SND1: variants seen among roughly 807,000 people sequenced by gnomAD.
SND1 encodes staphylococcal nuclease and tudor domain containing 1.
SND1 carries 38 observed loss-of-function variants against 121.7 expected under a neutral mutation model. That is an observed-to-expected ratio of 0.31 (90% confidence interval 0.24 to 0.41). The LOEUF (loss-of-function observed/expected upper bound fraction) is 0.41. SND1 is among the 10% of genes least tolerant of loss of function. SND1 has a pLI of 1.00. For synonymous variants in SND1, 401 were observed against 447.4 expected, an observed-to-expected ratio of 0.90 and a Z score of 1.31; for missense variants, 868 against 1,184.6, an observed-to-expected ratio of 0.73 and a Z score of 3.92.
chr7:127,731,995 CTT>C (rs1349630723), intron 10 of SND1, among the ~76,000 whole-genome samples: 1 of 152,198 alleles, frequency 6.6e-6, no homozygotes, highest in Non-Finnish European at 1.5e-5. Flanking sequence ...ATGTCTCTCT[CTT>C]GTCTCTTTAT....
intron 12 of SND1, among the ~76,000 whole-genome samples, chr7:127,871,790 A>G (rs1362344908): frequency 6.6e-6 from 1 of 152,198 alleles, no homozygotes; most frequent in Non-Finnish European, 1.5e-5. Context: ...GTGAATCTAC[A>G]TTGAACATGC....
chr7:127,766,384 A>G (rs1405938830), intron 10 of SND1, among the ~76,000 whole-genome samples: 9 of 152,218 alleles, frequency 5.9e-5, no homozygotes. Flanking sequence ...TGCTGTGATG[A>G]TATCAACTCT....
chr7:127,723,102 A>G (rs1377335449), intron 10 of SND1, among the ~76,000 whole-genome samples: 1 of 152,222 alleles, frequency 6.6e-6, no homozygotes, highest in East Asian at 1.9e-4. Context: ...CATTATGTTA[A>G]TGTAGACTAT....
intron 10 of SND1, among the ~76,000 whole-genome samples, chr7:127,740,752 T>C (rs1796867068): frequency 1.3e-5 from 2 of 152,152 alleles, no homozygotes; most frequent in Non-Finnish European, 2.9e-5. Flanking sequence ...GATGTGCAGC[T>C]AGGATTGAGA....
intron 16 of SND1, among the ~76,000 whole-genome samples, chr7:128,069,354 G>A (rs1793369550): frequency 6.6e-6 from 1 of 152,170 alleles, no homozygotes; most frequent in Non-Finnish European, 1.5e-5. Context: ...AAGGGAAGAG[G>A]AAGCAGTTTT....
chr7:127,807,214 A>G (rs116414469), intron 10 of SND1, among the ~76,000 whole-genome samples: 2 of 152,202 alleles, frequency 1.3e-5, no homozygotes, highest in African/African-American at 2.4e-5. Flanking sequence ...TTATGCCTCT[A>G]TGTCTGTGTT....
intron 10 of SND1, among the ~76,000 whole-genome samples, chr7:127,795,995 C>T (rs1308768279): frequency 6.6e-6 from 1 of 152,006 alleles, no homozygotes. Context: ...GTAGCTGGGA[C>T]TACGGGCGCC....
chr7:128,041,880 G>A lies in SND1; in HGVS notation c.1780-32622G>A, dbSNP rs1792860683. 1.3e-5 allele frequency among the ~76,000 whole-genome samples: 2 copies of A among 152,214 alleles called. 1 individual carries two copies. The highest frequency in any genetic ancestry group is 4.1e-4 in the South Asian group (2 of 4,834). The stretch of plus-strand genomic sequence containing the variant: ...GTTTACCTCACTACCAGCCAAGAAT[G>A]CTAAGCAGGGTGTTCTGGGGAACCT... On this transcript the variant is annotated intron_variant, in intron 16 of 23. Transcript: ENST00000354725.
At chr7:127,838,497 A>C (rs1333704961) in intron 11 of SND1, among the ~76,000 whole-genome samples, 1 of 152,210 alleles carries the variant, frequency 6.6e-6, no homozygotes, top group African/African-American at 2.4e-5. Flanking sequence ...TCCTGCCCCA[A>C]ATATCCATAG....
chr7:127,767,261 AGAG>A (rs1241963295), intron 10 of SND1, among the ~76,000 whole-genome samples: 3 of 152,132 alleles, frequency 2.0e-5, no homozygotes, highest in Admixed American at 6.6e-5. Flanking sequence ...GTAGACATGA[AGAG>A]GAGAAGAGCT....
chr7:128,086,885 A>G, intron 20 of SND1, 53 bp from the exon 21 acceptor site: 1 of 1,416,084 alleles, frequency 7.1e-7, no homozygotes, highest in South Asian at 1.1e-5. Context: ...GTCCTGTGAG[A>G]GAGCAAGGGG....
At chr7:127,800,568 G>A (rs917809100) in intron 10 of SND1, among the ~76,000 whole-genome samples, 1 of 152,112 alleles carries the variant, frequency 6.6e-6, no homozygotes, top group Non-Finnish European at 1.5e-5. Context: ...GGGAGAAATG[G>A]GAAAGGGTGA....
chr7:128,046,413 C>G (rs565075185), intron 16 of SND1, among the ~76,000 whole-genome samples: 7 of 146,212 alleles, frequency 4.8e-5, no homozygotes, highest in Non-Finnish European at 1.0e-4. Flanking sequence ...TCACGCAGGC[C>G]AGAGTGCAGT....
intron 16 of SND1, among the ~76,000 whole-genome samples, chr7:128,026,016 C>CA (rs61636078): frequency 0.086 from 12,021 of 140,078 alleles, 1,369 homozygotes; most frequent in African/African-American, 0.26. Context: ...AAATAGCTGT[C>CA]AAAAAAAAAA....
At chr7:127,786,090 CA>C (rs1196068028) in intron 10 of SND1, among the ~76,000 whole-genome samples, 1 of 151,846 alleles carries the variant, frequency 6.6e-6, no homozygotes, top group African/African-American at 2.4e-5. Context: ...GATTTGTTGA[CA>C]TCCTTTTTTT....
chr7:127,662,262 T>G (rs1378864726), intron 1 of SND1, among the ~76,000 whole-genome samples: 1 of 152,228 alleles, frequency 6.6e-6, no homozygotes, highest in African/African-American at 2.4e-5. Context: ...TAAAAGAAAC[T>G]GAAATAGGGT....
chr7:128,021,895 T>C (rs1803356413), intron 16 of SND1, among the ~76,000 whole-genome samples: 1 of 152,078 alleles, frequency 6.6e-6, no homozygotes, highest in South Asian at 2.1e-4. Context: ...ATTTTTTTAT[T>C]AGTGGGGCTA....
At chr7:127,794,130 G>A (rs768251656) in intron 10 of SND1, among the ~76,000 whole-genome samples, 18 of 152,110 alleles carry the variant, frequency 1.2e-4, no homozygotes, top group Non-Finnish European at 1.9e-4. Context: ...ATCTTCCTTC[G>A]TTAAGGTTAG....
chr7:127,960,853 G>A (rs1329037510), intron 15 of SND1, among the ~76,000 whole-genome samples: 2 of 152,216 alleles, frequency 1.3e-5, no homozygotes, highest in African/African-American at 2.4e-5. Context: ...CTCAACTTCT[G>A]TGAGTTTCAA....
Sources: allele counts gnomAD v4.1 joint callset (sites outside exome capture counted in the v4.1 genomes callset), GRCh38; gene constraint gnomAD v4.1.1; transcripts MANE v1.5; gene names NCBI Gene and HGNC (gene_info 2026-07-23, HGNC 2026-07-21).